NMNAT3: variants seen among roughly 807,000 people sequenced by gnomAD.
NMNAT3 encodes nicotinamide/nicotinic acid mononucleotide adenylyltransferase 3.
NMNAT3 carries 21 observed loss-of-function variants against 24.8 expected under a neutral mutation model. That is an observed-to-expected ratio of 0.85 (90% CI 0.60 to 1.22). The LOEUF is 1.22. Among genes scored for constraint, NMNAT3 ranks in the 50% most tolerant of loss-of-function variants. The pLI is 0.00. For missense variants in NMNAT3, 387 were observed against 436.6 expected, an observed-to-expected ratio of 0.89 and a Z score of 1.01; for synonymous variants, 136 against 155.2, an observed-to-expected ratio of 0.88 and a Z score of 0.92.
intron 3 of NMNAT3, among the ~76,000 whole-genome samples, chr3:139,611,530 C>T (rs1300540772): frequency 6.6e-6 from 1 of 152,242 alleles, no homozygotes. Context: ...TGATCTCTTT[C>T]TGTGACACCA....
chr3:139,656,523 A>G (rs141625042), intron 1 of NMNAT3, among the ~76,000 whole-genome samples: 258 of 152,096 alleles, frequency 1.7e-3, no homozygotes, highest in African/African-American at 6.1e-3. Context: ...CAGCTACTTA[A>G]ATACTCAAAA....
chr3:139,608,934 T>C (rs1444057017), intron 3 of NMNAT3, among the ~76,000 whole-genome samples: 2 of 152,256 alleles, frequency 1.3e-5, no homozygotes, highest in Non-Finnish European at 1.5e-5. Flanking sequence ...TAACCACTGA[T>C]ATGTTCCTTA....
intron 2 of NMNAT3, chr3:139,636,392 A>G (rs985938002): frequency 2.6e-5 from 4 of 152,090 alleles, no homozygotes; most frequent in Admixed American, 6.5e-5. Context: ...GGGAGGAAAA[A>G]CCCTTACTCA....
chr3:139,675,900 G>A (rs1291629282), intron 1 of NMNAT3, among the ~76,000 whole-genome samples: 3 of 152,140 alleles, frequency 2.0e-5, no homozygotes, highest in African/African-American at 4.8e-5. Context: ...CAGGGCCAAC[G>A]ATATGCTAAG....
chr3:139,616,407 T>C (rs903925043), intron 3 of NMNAT3, among the ~76,000 whole-genome samples: 3 of 152,180 alleles, frequency 2.0e-5, no homozygotes, highest in African/African-American at 7.2e-5. Flanking sequence ...TCCTCAGGGC[T>C]CGTCTCTCCT....
intron 3 of NMNAT3, among the ~76,000 whole-genome samples, chr3:139,601,941 A>G (rs2054735756): frequency 6.6e-6 from 1 of 152,224 alleles, no homozygotes; most frequent in South Asian, 2.1e-4. Context: ...ACTGTATTGG[A>G]AAGATACTTT....
At chr3:139,594,352 G>T (rs1198383527) in intron 3 of NMNAT3, among the ~76,000 whole-genome samples, 1 of 152,188 alleles carries the variant, frequency 6.6e-6, no homozygotes, top group African/African-American at 2.4e-5. Flanking sequence ...TCCAGGACCT[G>T]ATGGATTCAC....
chr3:139,598,611 C>A (rs1420542323), intron 3 of NMNAT3, among the ~76,000 whole-genome samples: 1 of 152,118 alleles, frequency 6.6e-6, no homozygotes, highest in African/African-American at 2.4e-5. Context: ...TCAGCTGAGT[C>A]CCCAGGTATC....
chr3:139,614,332 C>A (rs760901682), intron 3 of NMNAT3, among the ~76,000 whole-genome samples: 9 of 152,096 alleles, frequency 5.9e-5, no homozygotes, highest in Non-Finnish European at 1.3e-4. Flanking sequence ...ACCCTGACTA[C>A]TTCCCTACTT....
At chr3:139,622,255 G>A (rs1336891155) in intron 3 of NMNAT3, among the ~76,000 whole-genome samples, 1 of 151,896 alleles carries the variant, frequency 6.6e-6, no homozygotes, top group Non-Finnish European at 1.5e-5. Context: ...GCTATTTTTT[G>A]TTATTTTAAT....
intron 2 of NMNAT3, among the ~76,000 whole-genome samples, chr3:139,629,848 C>T (rs1434882792): frequency 1.3e-5 from 2 of 152,164 alleles, no homozygotes; most frequent in East Asian, 3.8e-4. Flanking sequence ...CGGCACATCC[C>T]AATATGTTAA....
At chr3:139,599,021 C>A in intron 3 of NMNAT3, 1 of 354,476 alleles carries the variant, frequency 2.8e-6, no homozygotes, top group Non-Finnish European at 5.1e-6. Flanking sequence ...AGCTGACCAT[C>A]CCCCTCAGCA....
intron 1 of NMNAT3, among the ~76,000 whole-genome samples, chr3:139,649,496 T>C (rs1417793165): frequency 6.6e-6 from 1 of 152,204 alleles, no homozygotes; most frequent in Non-Finnish European, 1.5e-5. Context: ...CACCATTCAT[T>C]GACTCAGTTT....
chr3:139,667,915 G>A (rs2057635539), intron 1 of NMNAT3, among the ~76,000 whole-genome samples: 1 of 152,212 alleles, frequency 6.6e-6, no homozygotes, highest in African/African-American at 2.4e-5. Context: ...GAGGCCTATA[G>A]GAGCCACATG....
At chr3:139,635,774 T>C (rs2056477449) in intron 2 of NMNAT3, 1 of 152,244 alleles carries the variant, frequency 6.6e-6, no homozygotes, top group Admixed American at 6.5e-5. Flanking sequence ...CCATCCTCTT[T>C]AGTCACAGAA....
In NMNAT3 at chr3:139,561,429, G is replaced by C. The variant is rs754226905; in HGVS notation, c.659-37C>G. 1.9e-6 allele frequency: 3 copies of C among 1,584,816 alleles called. No individual in the cohort carries two copies. In the East Asian group the frequency reaches 6.8e-5, roughly 36 times the overall value. The stretch of plus-strand genomic sequence containing the variant: ...AGGATGGACCCAGTAAAGTTAGAGA[G>C]AGGTCACTGCCAGGAAAGACAACAT... On this transcript the variant is annotated intron_variant, in intron 6 of 6. Transcript: ENST00000643695.
At chr3:139,571,138 C>G (rs767807394) in intron 6 of NMNAT3, 2 of 152,378 alleles carry the variant, frequency 1.3e-5, no homozygotes, top group African/African-American at 2.4e-5. Context: ...GGGTGTAGGA[C>G]CCTCCGAGCC....
intron 1 of NMNAT3, among the ~76,000 whole-genome samples, chr3:139,640,453 T>A (rs1476343318): frequency 2.6e-5 from 4 of 152,184 alleles, no homozygotes; most frequent in African/African-American, 9.7e-5. Flanking sequence ...TAAAATGTAA[T>A]CTAAAAATCC....
At chr3:139,655,795 C>T (rs536464924) in intron 1 of NMNAT3, among the ~76,000 whole-genome samples, 2 of 152,278 alleles carry the variant, frequency 1.3e-5, no homozygotes, top group East Asian at 3.9e-4. Flanking sequence ...CACATTTGCT[C>T]ATTGTGATTA....
Sources: gnomAD v4.1 joint callset for allele counts (sites outside exome capture counted in the v4.1 genomes callset) on GRCh38, gnomAD v4.1.1 for gene constraint, MANE v1.5 for transcripts, NCBI Gene and HGNC (gene_info 2026-07-23, HGNC 2026-07-21) for gene names.